The following NTRK3 variants were observed in gnomAD, a reference collection of about 807,000 sequenced individuals.
The protein encoded by NTRK3 is neurotrophic receptor tyrosine kinase 3.
Under a neutral mutation model 91.7 loss-of-function variants are expected in NTRK3, and 24 were observed. The ratio of observed to expected loss-of-function variants is 0.26; its 90% CI spans 0.19 to 0.37. The LOEUF (loss-of-function observed/expected upper bound fraction) is 0.37. NTRK3 is among the 10% of genes least tolerant of loss of function. The pLI is 1.00. For missense variants in NTRK3, 880 were observed against 1,068.9 expected, an observed-to-expected ratio of 0.82 and a Z score of 2.46; for synonymous variants, 483 against 404.0, an observed-to-expected ratio of 1.20 and a Z score of -2.34.
At chr15:87,920,570 C>A (rs1182273587) in intron 17 of NTRK3, among the ~76,000 whole-genome samples, 1 of 152,184 alleles carries the variant, frequency 6.6e-6, no homozygotes, top group Non-Finnish European at 1.5e-5. Flanking sequence ...AGAACAGTAA[C>A]TCCAGCCCTG....
At chr15:88,203,619 G>A (rs750519902) in intron 3 of NTRK3, among the ~76,000 whole-genome samples, 1 of 152,162 alleles carries the variant, frequency 6.6e-6, no homozygotes, top group Non-Finnish European at 1.5e-5. Context: ...AAGACCTAAT[G>A]TTCAATAGAT....
At chr15:88,199,225 T>C (rs2048084166) in intron 3 of NTRK3, among the ~76,000 whole-genome samples, 1 of 152,152 alleles carries the variant, frequency 6.6e-6, no homozygotes, top group Admixed American at 6.5e-5. Flanking sequence ...AGTAGTTCAC[T>C]ACTTTCACAA....
At chr15:88,149,572 A>G (rs957909672) in intron 5 of NTRK3, among the ~76,000 whole-genome samples, 3 of 152,200 alleles carry the variant, frequency 2.0e-5, no homozygotes, top group Non-Finnish European at 4.4e-5. Context: ...ATGACTATAC[A>G]GCTTATTCCT....
intron 16 of NTRK3, 41 bp from the exon 17 acceptor site, chr15:87,929,475 C>G (rs770475255): frequency 1.2e-6 from 2 of 1,609,084 alleles, no homozygotes; most frequent in Admixed American, 1.7e-5. Context: ...AGAGAGAAAT[C>G]AGGAGATCAA....
chr15:87,916,389 G>A lies in NTRK3; in HGVS notation c.2133+12802C>T, dbSNP rs1317886529. The A allele has an allele frequency of 8.0e-6, 5 of 624,172 alleles. No individual in the cohort carries two copies. The East Asian group carries it at 1.4e-4, about 17-fold the overall frequency. 38.7% of individuals were successfully genotyped at this position (624,172 alleles called of 1,614,324 possible). On this transcript the variant is annotated intron_variant, in intron 17 of 18. Transcript: ENST00000394480. ...ACACATCCGTAAGGGCCCTCCACAG[G>A]AGTAGAGAGACGTGAATGACTCAAC...
chr15:87,940,479 T>A, intron 15 of NTRK3, 144 bp downstream of exon 15: 1 of 1,337,966 alleles, frequency 7.5e-7, no homozygotes, highest in Non-Finnish European at 1.0e-6. Flanking sequence ...CTAGGAAACT[T>A]CATTGACCTC....
chr15:87,902,729 T>C (rs1447254587), intron 17 of NTRK3, among the ~76,000 whole-genome samples: 1 of 152,080 alleles, frequency 6.6e-6, no homozygotes, highest in Non-Finnish European at 1.5e-5. Flanking sequence ...GCTGAAAAAA[T>C]CCTGAGAAAA....
chr15:87,946,474 G>A (rs973552294), intron 14 of NTRK3, among the ~76,000 whole-genome samples: 10 of 152,132 alleles, frequency 6.6e-5, no homozygotes, highest in Admixed American at 1.3e-4. Context: ...TTGCTACCTC[G>A]GTGCTTTGGC....
exon 19 of NTRK3, chr15:87,875,893 C>T (rs1173616456): frequency 4.3e-6 from 1 of 232,098 alleles, no homozygotes; most frequent in African/African-American, 2.2e-5. Context: ...TAATGACCTA[C>T]AAGCAACCAA....
At chr15:88,221,222 C>T (rs556216140) in intron 3 of NTRK3, among the ~76,000 whole-genome samples, 1 of 152,280 alleles carries the variant, frequency 6.6e-6, no homozygotes, top group South Asian at 2.1e-4. Context: ...AATTACGGCT[C>T]CCAGAGGTAA....
At chr15:88,137,274 T>C in intron 7 of NTRK3, 130 bp downstream of exon 7, 3 of 1,047,150 alleles carry the variant, frequency 2.9e-6, no homozygotes, top group Non-Finnish European at 4.3e-6. Flanking sequence ...TGCACACAAC[T>C]GCAGAGTTCA....
chr15:87,987,943 G>A (rs985196238), intron 14 of NTRK3, among the ~76,000 whole-genome samples: 3 of 152,028 alleles, frequency 2.0e-5, no homozygotes, highest in Admixed American at 2.0e-4. Flanking sequence ...CTCCCTTACA[G>A]AAGAATTACG....
intron 13 of NTRK3, among the ~76,000 whole-genome samples, chr15:88,094,455 G>A (rs1403134976): frequency 2.3e-4 from 28 of 122,556 alleles, no homozygotes; most frequent in Admixed American, 6.7e-4. Flanking sequence ...CCGACTGGGC[G>A]ACAGAGCGAG....
At chr15:88,228,966 T>G (rs2050929521) in intron 3 of NTRK3, among the ~76,000 whole-genome samples, 1 of 152,144 alleles carries the variant, frequency 6.6e-6, no homozygotes, top group Admixed American at 6.5e-5. Flanking sequence ...CCTCCTTTGC[T>G]GGTGTGCTCA....
chr15:87,913,455 C>G (rs909934717), intron 17 of NTRK3, among the ~76,000 whole-genome samples: 1 of 152,076 alleles, frequency 6.6e-6, no homozygotes, highest in Non-Finnish European at 1.5e-5. Context: ...CAAGTGCCAC[C>G]AATCCTCTTT....
At chr15:88,013,072 C>A (rs983766248) in intron 14 of NTRK3, among the ~76,000 whole-genome samples, 1 of 123,002 alleles carries the variant, frequency 8.1e-6, no homozygotes, top group Non-Finnish European at 1.7e-5. Flanking sequence ...TAAAGACCCA[C>A]TACCAGCAGC....
At chr15:87,910,407 C>T (rs2067017880) in intron 17 of NTRK3, among the ~76,000 whole-genome samples, 1 of 152,190 alleles carries the variant, frequency 6.6e-6, no homozygotes, top group Non-Finnish European at 1.5e-5. Flanking sequence ...CTTTGGGAAG[C>T]TCCCAAGAGA....
At chr15:88,140,665 C>G (rs189952938) in intron 6 of NTRK3, among the ~76,000 whole-genome samples, 63 of 152,358 alleles carry the variant, frequency 4.1e-4, no homozygotes, top group African/African-American at 1.5e-3. Flanking sequence ...ATGATGTTAT[C>G]ACGTCCTGTG....
intron 5 of NTRK3, among the ~76,000 whole-genome samples, chr15:88,161,061 G>A (rs910369640): frequency 6.6e-6 from 1 of 152,204 alleles, no homozygotes; most frequent in Non-Finnish European, 1.5e-5. Context: ...GCACATAGCA[G>A]GTACTCAATG....
Sources: allele counts gnomAD v4.1 joint callset (sites outside exome capture counted in the v4.1 genomes callset), GRCh38; gene constraint gnomAD v4.1.1; transcripts MANE v1.5; gene names NCBI Gene and HGNC (gene_info 2026-07-23, HGNC 2026-07-21).